Variants in SLC30A7 observed in about 807,000 individuals in gnomAD.
SLC30A7 encodes the protein solute carrier family 30 member 7, also known as zinc transporter 7.
A neutral mutation model predicts 46.0 loss-of-function variants in SLC30A7; 35 were observed. The ratio of observed to expected loss-of-function variants is 0.76; its 90% CI spans 0.58 to 1.01. The LOEUF (loss-of-function observed/expected upper bound fraction) is 1.01. SLC30A7 is among the 50% of genes least tolerant of loss of function. SLC30A7 has a pLI of 0.00. For missense variants in SLC30A7, 464 were observed against 451.1 expected, an observed-to-expected ratio of 1.03 and a Z score of -0.26; for synonymous variants, 147 against 157.8, an observed-to-expected ratio of 0.93 and a Z score of 0.51.
chr1:100,915,197 C>CTTTTCTTTCTTTCT (rs368693206), intron 6 of SLC30A7, among the ~76,000 whole-genome samples: 1 of 61,872 alleles, frequency 1.6e-5, no homozygotes, highest in East Asian at 6.0e-4. Flanking sequence ...TCTTTCTTTT[C>CTTTTCTTTCTTTCT]TTTCTTTCTT....
the SLC30A7 span, among the ~76,000 whole-genome samples, chr1:100,992,942 T>G: frequency 2.6e-5 from 4 of 152,208 alleles, no homozygotes; most frequent in Non-Finnish European, 5.9e-5. Flanking sequence ...TAATTTAACT[T>G]TCCTCTGATC....
At chr1:100,961,951 T>C (rs1027268517) in intron 9 of SLC30A7, 33 bp downstream of exon 9, 3 of 1,345,314 alleles carry the variant, frequency 2.2e-6, no homozygotes, top group Non-Finnish European at 3.1e-6. Flanking sequence ...CATTGGATTT[T>C]ATGCTGTTTT....
chr1:100,942,483 A>G (rs1654405390), intron 8 of SLC30A7, among the ~76,000 whole-genome samples: 1 of 152,204 alleles, frequency 6.6e-6, no homozygotes. Context: ...GCAACAATCA[A>G]CACAGTAGAC....
intron 8 of SLC30A7, among the ~76,000 whole-genome samples, chr1:100,937,458 GTTTTTGTTTTTA>G (rs1387620523): frequency 6.6e-6 from 1 of 151,968 alleles, no homozygotes. Context: ...GTTTTGTTTT[GTTTTTGTTTTTA>G]TTTTTGTTTT....
intron 7 of SLC30A7, among the ~76,000 whole-genome samples, chr1:100,920,743 G>A (rs1301790852): frequency 6.6e-6 from 1 of 151,904 alleles, no homozygotes; most frequent in African/African-American, 2.4e-5. Flanking sequence ...TTATTGTGCA[G>A]TGAATACTAA....
chr1:100,969,864 G>A (rs1656060038), intron 10 of SLC30A7, among the ~76,000 whole-genome samples: 2 of 152,032 alleles, frequency 1.3e-5, no homozygotes, highest in Admixed American at 1.3e-4. Flanking sequence ...CACTGCTTTA[G>A]TTCTGACTTA....
the SLC30A7 span, among the ~76,000 whole-genome samples, chr1:100,987,726 C>A: frequency 6.6e-6 from 1 of 150,678 alleles, no homozygotes; most frequent in Non-Finnish European, 1.5e-5. Context: ...CTCTGGATAC[C>A]CTATAGCATT....
At chr1:100,990,537 C>T in the SLC30A7 span, 3 of 1,614,108 alleles carry the variant, frequency 1.9e-6, no homozygotes, top group Non-Finnish European at 2.5e-6. Context: ...CTCCCAAGTC[C>T]ACAGTGCACA....
intron 10 of SLC30A7, among the ~76,000 whole-genome samples, chr1:100,973,288 AT>A (rs1225286045): frequency 2.6e-5 from 4 of 151,922 alleles, no homozygotes; most frequent in African/African-American, 4.8e-5. Flanking sequence ...GTGCTAATAG[AT>A]TTTTTCCTCA....
At chr1:100,947,598 T>C (rs555023598) in intron 8 of SLC30A7, among the ~76,000 whole-genome samples, 1 of 152,320 alleles carries the variant, frequency 6.6e-6, no homozygotes, top group South Asian at 2.1e-4. Context: ...GTTCAAGTCC[T>C]GGACATCCTT....
chr1:100,920,572 T>G (rs1267674668), intron 7 of SLC30A7, among the ~76,000 whole-genome samples: 1 of 151,978 alleles, frequency 6.6e-6, no homozygotes, highest in Non-Finnish European at 1.5e-5. Context: ...ATATTTAATA[T>G]AATATTTGAT....
At chr1:100,926,185 T>C (rs1278173093) in intron 8 of SLC30A7, among the ~76,000 whole-genome samples, 1 of 152,220 alleles carries the variant, frequency 6.6e-6, no homozygotes, top group East Asian at 1.9e-4. Flanking sequence ...TTGGATTTCT[T>C]TTTGTTATTG....
At chr1:100,936,404 G>A (rs938699481) in intron 8 of SLC30A7, among the ~76,000 whole-genome samples, 5 of 152,114 alleles carry the variant, frequency 3.3e-5, no homozygotes, top group African/African-American at 1.2e-4. Flanking sequence ...ATTGTGAAAT[G>A]TAGTACACAC....
intron 8 of SLC30A7, among the ~76,000 whole-genome samples, chr1:100,942,280 T>C (rs1654392949): frequency 1.3e-5 from 2 of 152,200 alleles, no homozygotes; most frequent in South Asian, 2.1e-4. Context: ...AAATTAAATA[T>C]GCATATACCT....
At chr1:100,947,543 G>A (rs1415810080) in intron 8 of SLC30A7, among the ~76,000 whole-genome samples, 1 of 152,202 alleles carries the variant, frequency 6.6e-6, no homozygotes, top group Non-Finnish European at 1.5e-5. Context: ...ATTTGGGGTG[G>A]AGAGTTCTGT....
intron 9 of SLC30A7, among the ~76,000 whole-genome samples, chr1:100,964,899 T>G (rs1185675408): frequency 6.6e-6 from 1 of 152,204 alleles, no homozygotes; most frequent in African/African-American, 2.4e-5. Context: ...AAAAGCAGTT[T>G]TTAAAGAAGG....
intron 8 of SLC30A7, among the ~76,000 whole-genome samples, chr1:100,949,720 C>G (rs1654854676): frequency 6.6e-6 from 1 of 152,156 alleles, no homozygotes; most frequent in Admixed American, 6.5e-5. Context: ...CTCAGCAATA[C>G]AGATGCCCCT....
chr1:100,993,596 A>ATATATATATATATATATATATATATG, the SLC30A7 span, among the ~76,000 whole-genome samples: 1 of 129,762 alleles, frequency 7.7e-6, no homozygotes, highest in African/African-American at 2.9e-5. Flanking sequence ...ATATATATAT[A>ATATATATATATATATATATATATATG]TAGCTATTGT....
intron 8 of SLC30A7, among the ~76,000 whole-genome samples, chr1:100,931,689 A>G (rs926545860): frequency 2.6e-5 from 4 of 152,206 alleles, no homozygotes; most frequent in African/African-American, 9.6e-5. Context: ...AGCCAACTTA[A>G]AAATACCTTA....
Sources: allele counts gnomAD v4.1 joint callset (sites outside exome capture counted in the v4.1 genomes callset), GRCh38; gene constraint gnomAD v4.1.1; transcripts MANE v1.5; gene names NCBI Gene and HGNC (gene_info 2026-07-23, HGNC 2026-07-21).